Variants in LIPC observed in about 807,000 individuals in gnomAD.
LIPC encodes the protein hepatic triacylglycerol lipase.
LIPC carries 44 observed loss-of-function variants against 50.7 expected under a neutral mutation model. The ratio of observed to expected loss-of-function variants is 0.87; its 90% CI spans 0.68 to 1.11. The LOEUF is 1.11. Ranked by LOEUF, LIPC falls within the 50% of genes most tolerant of loss-of-function variation. The pLI is 0.00. For synonymous variants in LIPC, 271 were observed against 256.4 expected, an observed-to-expected ratio of 1.06 and a Z score of -0.54; for missense variants, 697 against 648.2, an observed-to-expected ratio of 1.08 and a Z score of -0.82.
At chr15:58,447,019 G>A (rs778574148) in intron 1 of LIPC, among the ~76,000 whole-genome samples, 6 of 151,824 alleles carry the variant, frequency 4.0e-5, no homozygotes, top group East Asian at 1.9e-4. Flanking sequence ...GTGGTGGTAC[G>A]TGCCTGTAGT....
chr15:58,440,946 G>C (rs1310463216), intron 1 of LIPC, among the ~76,000 whole-genome samples: 3 of 152,150 alleles, frequency 2.0e-5, no homozygotes, highest in African/African-American at 7.2e-5. Flanking sequence ...GGGAAGGACA[G>C]GAAGGGCCAT....
rs558803264 is a variant in LIPC at position 58,478,525 on chromosome 15, C to A, written c.88+46405C>A. ...AAAGTGCTAGGATTATAAGCATGAG[C>A]CACTGCGCCCAGCCAGCTCACTCTC... is the stretch of plus-strand genomic sequence containing the variant. On this transcript the variant is annotated intron_variant, in intron 1 of 8. Coordinates refer to ENST00000299022, the MANE Select transcript of LIPC (RefSeq NM_000236.3). Among the ~76,000 whole-genome samples the A allele has an allele frequency of 2.6e-5, 4 of 152,310 alleles. No homozygotes were observed. In the East Asian group the frequency reaches 7.7e-4, roughly 29 times the overall value.
intron 1 of LIPC, among the ~76,000 whole-genome samples, chr15:58,480,416 T>A (rs1891146143): frequency 6.6e-6 from 1 of 152,194 alleles, no homozygotes; most frequent in African/African-American, 2.4e-5. Context: ...TGCCTTGGCG[T>A]CTCAAGTAGA....
rs187862663 is a variant in LIPC at position 58,549,816 on chromosome 15, T to A, written c.1051+1244T>A. Among the ~76,000 whole-genome samples, 5 of 152,352 alleles carry A rather than the reference T, an allele frequency of 3.3e-5. No individual in the cohort carries two copies. The East Asian group carries it at 9.7e-4, about 29-fold the overall frequency. On this transcript the variant is annotated intron_variant, in intron 6 of 8. Coordinates refer to ENST00000299022, the MANE Select transcript of LIPC (RefSeq NM_000236.3). ...CGGGCCAAAGGGTCCCTCCACTGGCTGTCCCTTAGGGCTGGAGGAGATGGC... is the reference window on the plus strand; with the variant it reads ...CGGGCCAAAGGGTCCCTCCACTGGCAGTCCCTTAGGGCTGGAGGAGATGGC...
At chr15:58,450,392 G>C (rs1341207625) in intron 1 of LIPC, among the ~76,000 whole-genome samples, 3 of 152,172 alleles carry the variant, frequency 2.0e-5, no homozygotes, top group African/African-American at 7.2e-5. Flanking sequence ...TGCTGGTCCT[G>C]CATCCCACCT....
chr15:58,485,203 C>A (rs566313352), intron 1 of LIPC, among the ~76,000 whole-genome samples: 4 of 152,234 alleles, frequency 2.6e-5, no homozygotes, highest in Admixed American at 1.3e-4. Flanking sequence ...AGCAGGGAGA[C>A]CCCGGGGGAG....
intron 1 of LIPC, among the ~76,000 whole-genome samples, chr15:58,509,438 C>G (rs1302386363): frequency 6.6e-6 from 1 of 152,234 alleles, no homozygotes; most frequent in Admixed American, 6.5e-5. Flanking sequence ...GCAGGTTACT[C>G]TCTCTGAGTC....
chr15:58,457,741 G>A (rs147127063), intron 1 of LIPC, among the ~76,000 whole-genome samples: 1 of 152,202 alleles, frequency 6.6e-6, no homozygotes, highest in African/African-American at 2.4e-5. Flanking sequence ...AGTAGCACTG[G>A]CTTGGTCATT....
At chr15:58,505,418 A>C (rs1310466854) in intron 1 of LIPC, among the ~76,000 whole-genome samples, 1 of 152,214 alleles carries the variant, frequency 6.6e-6, no homozygotes, top group Non-Finnish European at 1.5e-5. Context: ...TTTAATATAC[A>C]AAAAAATGTT....
At chr15:58,559,780 C>T (rs1312732620) in intron 6 of LIPC, among the ~76,000 whole-genome samples, 2 of 151,472 alleles carry the variant, frequency 1.3e-5, no homozygotes, top group East Asian at 1.9e-4. Flanking sequence ...CTGCATCCAA[C>T]CCTGGGGAAT....
intron 1 of LIPC, among the ~76,000 whole-genome samples, chr15:58,438,853 A>G (rs977333690): frequency 3.3e-5 from 5 of 152,096 alleles, no homozygotes; most frequent in Admixed American, 3.3e-4. Flanking sequence ...TTTCCTTCCC[A>G]CTTAGGGGTC....
chr15:58,491,234 C>T (rs1375827868), intron 1 of LIPC, among the ~76,000 whole-genome samples: 1 of 152,118 alleles, frequency 6.6e-6, no homozygotes, highest in Non-Finnish European at 1.5e-5. Flanking sequence ...ACAGCACCTG[C>T]CAAACACAAT....
At chr15:58,455,868 G>A (rs1894091092) in intron 1 of LIPC, among the ~76,000 whole-genome samples, 1 of 152,264 alleles carries the variant, frequency 6.6e-6, no homozygotes, top group African/African-American at 2.4e-5. Context: ...CAGAGAGCCA[G>A]TTGCTGAGTA....
At chr15:58,489,009 G>C (rs1347274313) in intron 1 of LIPC, among the ~76,000 whole-genome samples, 1 of 152,114 alleles carries the variant, frequency 6.6e-6, no homozygotes, top group Non-Finnish European at 1.5e-5. Context: ...ATGAGAGTGT[G>C]CATCTGCAAG....
intron 1 of LIPC, among the ~76,000 whole-genome samples, chr15:58,527,280 G>C (rs1288159194): frequency 3.3e-5 from 5 of 152,136 alleles, no homozygotes; most frequent in Admixed American, 2.6e-4. Flanking sequence ...AAATTAACAT[G>C]CCTAGGATAG....
chr15:58,460,220 A>T (rs1029205692), intron 1 of LIPC, among the ~76,000 whole-genome samples: 1 of 152,232 alleles, frequency 6.6e-6, no homozygotes, highest in Non-Finnish European at 1.5e-5. Context: ...AAGGATGTTT[A>T]TAACAGAGTT....
At position 58,567,214 on chromosome 15, in the gene LIPC, A is replaced by AAAAT. The variant is rs1391248827; in HGVS notation, c.1389-1501_1389-1500insAATA. Reference sequence around the variant, plus strand: ...AGACTCCGTCTCAAAAAAAATAAAAAATATATATATATATATGTATATATG... The same window carrying AAAAT: ...AGACTCCGTCTCAAAAAAAATAAAAAAAATATATATATATATATATGTATATATG... On this transcript the variant is annotated intron_variant, in intron 8 of 8. Transcript: ENST00000299022. Among the ~76,000 whole-genome samples the AAAAT allele has an allele frequency of 3.7e-4, 51 of 136,738 alleles. 4 individuals carry two copies. Among genetic ancestry groups the AAAAT allele is most frequent in the African/African-American group, 1.2e-3 (46 of 36,840 alleles). The allele number at this position is 136,738 out of a possible 152,430, so 89.7% of individuals were successfully genotyped here.
intron 1 of LIPC, among the ~76,000 whole-genome samples, chr15:58,434,176 T>G (rs1893214308): frequency 6.6e-6 from 1 of 151,896 alleles, no homozygotes; most frequent in South Asian, 2.1e-4. Context: ...AGGACAGCCC[T>G]CACAACAATG....
chr15:58,479,342 G>C (rs1022727894), intron 1 of LIPC, among the ~76,000 whole-genome samples: 1 of 152,240 alleles, frequency 6.6e-6, no homozygotes, highest in Non-Finnish European at 1.5e-5. Flanking sequence ...CAGAGTTCTA[G>C]TGTTCCTAAG....
Sources: allele counts gnomAD v4.1 joint callset (sites outside exome capture counted in the v4.1 genomes callset), GRCh38; gene constraint gnomAD v4.1.1; transcripts MANE v1.5; gene names NCBI Gene and HGNC (gene_info 2026-07-23, HGNC 2026-07-21).